The following PTPRT variants were observed in gnomAD, a reference collection of about 807,000 sequenced individuals.
The protein encoded by PTPRT is protein tyrosine phosphatase receptor type T, also known as receptor-type tyrosine-protein phosphatase T.
A neutral mutation model predicts 176.8 loss-of-function variants in PTPRT; 56 were observed. The ratio of observed to expected loss-of-function variants is 0.32; its 90% CI spans 0.26 to 0.40. The LOEUF (loss-of-function observed/expected upper bound fraction) is 0.40, where lower values mean the gene tolerates loss of function less well. PTPRT is among the 10% of genes least tolerant of loss of function. The probability of loss-of-function intolerance (pLI) is 1.00; values close to 1 mark genes in which losing one functional copy is unlikely to be tolerated. For synonymous variants in PTPRT, 783 were observed against 739.0 expected (o/e 1.06, Z -0.96); for missense variants, 1,540 against 1,908.2 (o/e 0.81, Z 3.60).
At chr20:42,232,055 C>A (rs2056145033) in intron 15 of PTPRT, among the ~76,000 whole-genome samples, 1 of 152,160 alleles carries the variant, frequency 6.6e-6, no homozygotes, top group Non-Finnish European at 1.5e-5. Flanking sequence ...TGTTTACTTT[C>A]TACCTCTTCT....
chr20:43,073,680 T>A (rs535005904), intron 1 of PTPRT, among the ~76,000 whole-genome samples: 34 of 151,926 alleles, frequency 2.2e-4, no homozygotes, highest in African/African-American at 7.7e-4. Flanking sequence ...TAATTACCAC[T>A]TTATTCAAAG....
chr20:42,605,206 G>C (rs56041451), intron 7 of PTPRT, among the ~76,000 whole-genome samples: 19,773 of 152,174 alleles, frequency 0.13, 1,404 homozygotes, highest in South Asian at 0.19. Context: ...GGGTCACGTG[G>C]TCAGAGCTGG....
chr20:42,361,308 A>G (rs2058428876), intron 9 of PTPRT, among the ~76,000 whole-genome samples: 1 of 152,160 alleles, frequency 6.6e-6, no homozygotes, highest in Non-Finnish European at 1.5e-5. Flanking sequence ...CTGGGCCTGA[A>G]TTTCTAAACC....
intron 6 of PTPRT, among the ~76,000 whole-genome samples, chr20:42,742,581 A>C (rs2076627504): frequency 6.6e-6 from 1 of 152,072 alleles, no homozygotes; most frequent in Non-Finnish European, 1.5e-5. Flanking sequence ...GGAGTTTTTT[A>C]ATAGGTCTGG....
At chr20:42,086,753 A>AAAAATATATATATATATAT (rs1983991312) in intron 27 of PTPRT, among the ~76,000 whole-genome samples, 1 of 95,542 alleles carries the variant, frequency 1.0e-5, no homozygotes, top group African/African-American at 4.9e-5. Flanking sequence ...AAAAAAAAAA[A>AAAAATATATATATATATAT]ATATATATAT....
At chr20:42,877,919 T>C (rs2078961109) in intron 2 of PTPRT, among the ~76,000 whole-genome samples, 1 of 152,196 alleles carries the variant, frequency 6.6e-6, no homozygotes, top group African/African-American at 2.4e-5. Context: ...CGACAGTGCC[T>C]GGCTTGTGTT....
chr20:42,090,068 T>C (rs917103822), intron 27 of PTPRT, among the ~76,000 whole-genome samples: 3 of 152,138 alleles, frequency 2.0e-5, no homozygotes, highest in African/African-American at 7.2e-5. Flanking sequence ...ACTTTCTAGT[T>C]TGAATGGCTT....
intron 8 of PTPRT, among the ~76,000 whole-genome samples, chr20:42,453,494 T>G (rs531711878): frequency 4.5e-4 from 69 of 152,130 alleles, no homozygotes; most frequent in African/African-American, 1.6e-3. Context: ...CAAAGAATAA[T>G]TATTAAATAC....
intron 7 of PTPRT, among the ~76,000 whole-genome samples, chr20:42,632,246 T>G (rs1015768769): frequency 6.6e-6 from 1 of 152,198 alleles, no homozygotes; most frequent in Non-Finnish European, 1.5e-5. Flanking sequence ...TTGTTTTGTT[T>G]TTTTGTTTTT....
intron 9 of PTPRT, among the ~76,000 whole-genome samples, chr20:42,394,822 A>C (rs2058833811): frequency 1.3e-5 from 2 of 152,356 alleles, no homozygotes; most frequent in Middle Eastern, 3.4e-3. Context: ...CTAAATACCC[A>C]AGATGAGGGA....
At chr20:42,524,286 G>A (rs1194047283) in intron 7 of PTPRT, among the ~76,000 whole-genome samples, 3 of 152,180 alleles carry the variant, frequency 2.0e-5, no homozygotes, top group Non-Finnish European at 4.4e-5. Context: ...TCTGGGGAAA[G>A]AGATTGATTT....
At chr20:42,635,627 A>C (rs2074580030) in intron 7 of PTPRT, among the ~76,000 whole-genome samples, 1 of 152,180 alleles carries the variant, frequency 6.6e-6, no homozygotes, top group South Asian at 2.1e-4. Context: ...AGATGATTAC[A>C]TTTGAACAAA....
At chr20:43,001,891 C>T (rs1014014688) in intron 1 of PTPRT, among the ~76,000 whole-genome samples, 2 of 149,148 alleles carry the variant, frequency 1.3e-5, no homozygotes, top group Admixed American at 1.3e-4. Context: ...AAAAAACAAA[C>T]AAAAAAAACC....
intron 13 of PTPRT, among the ~76,000 whole-genome samples, chr20:42,255,253 T>C (rs1600734336): frequency 6.6e-6 from 1 of 152,242 alleles, no homozygotes; most frequent in Non-Finnish European, 1.5e-5. Flanking sequence ...ATCAAACCTG[T>C]TAACCGCAAT....
At chr20:42,724,764 C>T (rs934071719) in intron 6 of PTPRT, among the ~76,000 whole-genome samples, 1 of 152,184 alleles carries the variant, frequency 6.6e-6, no homozygotes, top group African/African-American at 2.4e-5. Flanking sequence ...TGCCATTACG[C>T]TCCAGCCTAG....
intron 9 of PTPRT, among the ~76,000 whole-genome samples, chr20:42,364,312 T>A (rs577022894): frequency 6.6e-6 from 1 of 152,170 alleles, no homozygotes; most frequent in East Asian, 1.9e-4. Flanking sequence ...ATTTTTCTCA[T>A]GAAATTAAAA....
chr20:43,049,216 C>T lies in PTPRT; in HGVS notation c.88+140430G>A, dbSNP rs555711958. On this transcript the variant is annotated intron_variant, in intron 1 of 30. Transcript: ENST00000373187. ...ATTAACATTCAAATTCAAACAGTCG[C>T]AGCATTCTGTCAGTGCTTTTAATAA... Among the ~76,000 whole-genome samples the T allele has an allele frequency of 7.2e-5, 11 of 152,230 alleles. No individual in the cohort carries two copies. In the South Asian group the frequency reaches 1.2e-3, roughly 17 times the overall value.
chr20:42,070,476 C>A (rs1041905468), downstream of PTPRT, among the ~76,000 whole-genome samples: 4 of 151,994 alleles, frequency 2.6e-5, no homozygotes, highest in African/African-American at 9.7e-5. Context: ...ATGTCCCTCT[C>A]TGCTAACGTT....
At chr20:42,847,948 A>G (rs1179548435) in intron 2 of PTPRT, among the ~76,000 whole-genome samples, 1 of 152,110 alleles carries the variant, frequency 6.6e-6, no homozygotes, top group African/African-American at 2.4e-5. Flanking sequence ...AGCAGTATAC[A>G]CCGTACCCAA....
Sources: gnomAD v4.1 joint callset for allele counts (sites outside exome capture counted in the v4.1 genomes callset) on GRCh38, gnomAD v4.1.1 for gene constraint, MANE v1.5 for transcripts, NCBI Gene and HGNC (gene_info 2026-07-23, HGNC 2026-07-21) for gene names.